GGTA1: variants seen among roughly 807,000 people sequenced by gnomAD.
GGTA1 encodes inactive N-acetyllactosaminide alpha-1,3-galactosyltransferase.
Under a neutral mutation model 2.6 loss-of-function variants are expected in GGTA1, and 5 were observed. The observed-to-expected ratio is 1.92, with a 90% confidence interval of 1.00 to 4.04. The LOEUF (loss-of-function observed/expected upper bound fraction) is 4.04. GGTA1 is among the 30% of genes most tolerant of loss of function. The probability of loss-of-function intolerance (pLI) is 0.00; values close to 1 mark genes in which losing one functional copy is unlikely to be tolerated. For missense variants in GGTA1, 50 were observed against 16.7 expected, an observed-to-expected ratio of 2.99 and a Z score of -3.47; for synonymous variants, 17 against 5.0, an observed-to-expected ratio of 3.38 and a Z score of -3.19.
intron 1 of GGTA1, among the ~76,000 whole-genome samples, chr9:121,472,198 A>G (rs1387602818): frequency 6.6e-6 from 1 of 152,238 alleles, no homozygotes; most frequent in Non-Finnish European, 1.5e-5. Flanking sequence ...GATGTATTTT[A>G]TTATGTGGTG....
chr9:121,474,993 G>A (rs904898376), intron 1 of GGTA1, among the ~76,000 whole-genome samples: 5 of 152,250 alleles, frequency 3.3e-5, no homozygotes, highest in African/African-American at 2.4e-5. Context: ...TGTCAGAGCC[G>A]TTTGAACCAC....
intron 1 of GGTA1, among the ~76,000 whole-genome samples, chr9:121,486,106 C>T (rs1828749050): frequency 6.6e-6 from 1 of 152,246 alleles, no homozygotes; most frequent in African/African-American, 2.4e-5. Context: ...GGCTCTGCTT[C>T]CATGCCCTTT....
At chr9:121,481,648 C>T (rs1013776097) in intron 1 of GGTA1, among the ~76,000 whole-genome samples, 4 of 137,940 alleles carry the variant, frequency 2.9e-5, no homozygotes, top group Non-Finnish European at 6.1e-5. Flanking sequence ...CGCCACTGCT[C>T]TCCAGCCTGG....
intron 1 of GGTA1, among the ~76,000 whole-genome samples, chr9:121,469,821 G>A (rs1167926961): frequency 1.3e-5 from 2 of 152,170 alleles, no homozygotes; most frequent in Non-Finnish European, 2.9e-5. Context: ...ACCCCAGGAG[G>A]CAATATGACT....
At chr9:121,492,233 A>G (rs142412059) in intron 1 of GGTA1, among the ~76,000 whole-genome samples, 27 of 152,120 alleles carry the variant, frequency 1.8e-4, no homozygotes, top group African/African-American at 6.5e-4. Flanking sequence ...TGGAGCATCC[A>G]TTTCCTGTGT....
chr9:121,445,347 T>C (rs564641646), exon 8 of GGTA1: 1 of 152,032 alleles, frequency 6.6e-6, no homozygotes, highest in East Asian at 1.9e-4. Context: ...TTTGTTTTGT[T>C]GGATGTGAGA....
At chr9:121,499,411 A>G (rs971823741) in intron 1 of GGTA1, among the ~76,000 whole-genome samples, 1 of 152,018 alleles carries the variant, frequency 6.6e-6, no homozygotes, top group Non-Finnish European at 1.5e-5. Context: ...CCAGTCTTGG[A>G]AGGCTGGACA....
chr9:121,495,128 C>G (rs1460557424), intron 1 of GGTA1, among the ~76,000 whole-genome samples: 1 of 151,918 alleles, frequency 6.6e-6, no homozygotes, highest in Non-Finnish European at 1.5e-5. Flanking sequence ...CTTTGTTGGC[C>G]AAGCTGGTCT....
chr9:121,480,061 C>CTTTTCTTTTCTTTTATTTT (rs58602847), intron 1 of GGTA1, among the ~76,000 whole-genome samples: 1 of 139,828 alleles, frequency 7.2e-6, no homozygotes. Flanking sequence ...CTTTTCTTTT[C>CTTTTCTTTTCTTTTATTTT]TTTTTTTTTT....
rs192457200 is a variant in GGTA1 at position 121,476,010 on chromosome 9, C to T, written c.-9-8079G>A. Reference sequence around the variant, plus strand: ...AAAATGGAGATTCTAACACCCTCCTCAAAGGGTTCTTGAAAGCATACTGTG... The same window carrying T: ...AAAATGGAGATTCTAACACCCTCCTTAAAGGGTTCTTGAAAGCATACTGTG... On this transcript the variant is annotated intron_variant, in intron 1 of 5. Coordinates refer to ENST00000481799, the MANE Select transcript of GGTA1 (RefSeq NM_001382585.1). The surrounding 1 kb of genome is among the most constrained non-coding windows in gnomAD (Gnocchi z 4.6). Among the ~76,000 whole-genome samples, 392 of 152,296 alleles carry T rather than the reference C, an allele frequency of 2.6e-3. 19 individuals are homozygous for T. Among genetic ancestry groups the T allele is most frequent in the Admixed American group, 2.9e-3 (44 of 15,296 alleles).
intron 5 of GGTA1, among the ~76,000 whole-genome samples, chr9:121,457,700 T>TAA (rs35336090): frequency 0.47 from 57,438 of 122,600 alleles, 13,897 homozygotes; most frequent in South Asian, 0.58. Flanking sequence ...GAATCCATCT[T>TAA]AAAAAAAAAA....
chr9:121,450,139 C>A (rs1222897175), downstream of GGTA1, among the ~76,000 whole-genome samples: 2 of 152,094 alleles, frequency 1.3e-5, no homozygotes, highest in African/African-American at 2.4e-5. Context: ...ATAAAGTGTG[C>A]TTTTAATGTT....
chr9:121,468,959 A>T (rs1223187701), intron 1 of GGTA1, among the ~76,000 whole-genome samples: 1 of 152,132 alleles, frequency 6.6e-6, no homozygotes, highest in Non-Finnish European at 1.5e-5. Context: ...TATAGTGATA[A>T]CACATTCCCT....
At chr9:121,473,501 T>C (rs1828439152) in intron 1 of GGTA1, among the ~76,000 whole-genome samples, 1 of 152,118 alleles carries the variant, frequency 6.6e-6, no homozygotes, top group Admixed American at 6.5e-5. Context: ...TATTTTTCTC[T>C]CTGGACAAAA....
chr9:121,448,638 A>T (rs1443716391), intron 7 of GGTA1, among the ~76,000 whole-genome samples: 1 of 152,240 alleles, frequency 6.6e-6, no homozygotes, highest in Non-Finnish European at 1.5e-5. Flanking sequence ...AAATTTAAAA[A>T]AGGAAAAATA....
intron 1 of GGTA1, among the ~76,000 whole-genome samples, chr9:121,489,025 T>A (rs1338017652): frequency 1.3e-5 from 2 of 152,224 alleles, no homozygotes; most frequent in Admixed American, 6.5e-5. Context: ...AAGCCAGCAG[T>A]GTGATGGAGT....
intron 1 of GGTA1, among the ~76,000 whole-genome samples, chr9:121,473,204 C>T (rs1032235373): frequency 8.6e-5 from 13 of 151,432 alleles, no homozygotes; most frequent in Non-Finnish European, 1.5e-4. Flanking sequence ...CCTGTAATAC[C>T]GGCTACTTGG....
intron 1 of GGTA1, among the ~76,000 whole-genome samples, chr9:121,499,192 C>T (rs918781377): frequency 1.3e-5 from 2 of 152,070 alleles, no homozygotes; most frequent in African/African-American, 4.8e-5. Context: ...TTTATCCCCC[C>T]ACTCCCAGAT....
At chr9:121,470,192 T>C (rs930108034) in intron 1 of GGTA1, among the ~76,000 whole-genome samples, 24 of 152,356 alleles carry the variant, frequency 1.6e-4, no homozygotes, top group African/African-American at 5.8e-4. Context: ...AACAGTGGCC[T>C]GTGTTAAAAA....
Sources: allele counts gnomAD v4.1 joint callset (sites outside exome capture counted in the v4.1 genomes callset), GRCh38; gene constraint gnomAD v4.1.1; non-coding constraint Gnocchi (gnomAD v3.1); transcripts MANE v1.5; gene names NCBI Gene and HGNC (gene_info 2026-07-23, HGNC 2026-07-21).